KRT79: variants seen among roughly 807,000 people sequenced by gnomAD.
KRT79 encodes the protein keratin 79, also known as keratin, type II cytoskeletal 79.
Under a neutral mutation model 49.0 loss-of-function variants are expected in KRT79, and 51 were observed. That is an observed-to-expected ratio of 1.04 (90% CI 0.83 to 1.31). The LOEUF is 1.31. Among genes scored for constraint, KRT79 ranks in the 40% most tolerant of loss-of-function variants. The probability of loss-of-function intolerance (pLI) is 0.00; values close to 1 mark genes in which losing one functional copy is unlikely to be tolerated. For missense variants in KRT79, 728 were observed against 688.0 expected (o/e 1.06, Z -0.65); for synonymous variants, 312 against 286.6 (o/e 1.09, Z -0.90).
rs200726904 is a variant in KRT79, at chr12:52,822,037, T to C, written c.1443A>G (p.Ala481=). Residue 481 remains alanine, a synonymous_variant, in exon 9 of 9, where the codon GCA becomes GCG. Transcript: ENST00000330553. ...GGGAGATGCCACCTCCAAAGCTGGC[T>C]GCGCCACCTCCGCACACAGTGGTGG... ...GNSTTVCGGG[A]ASFGGGISLG... The C allele has an allele frequency of 1.2e-5, 19 of 1,614,088 alleles. 1 individual carries two copies. In the Admixed American group the frequency reaches 2.5e-4, roughly 21 times the overall value.
chr12:52,824,214 G>C lies in KRT79; in HGVS notation c.1004C>G (p.Ala335Gly). 3.1e-6 allele frequency: 5 copies of C among 1,614,188 alleles called. No individual in the cohort carries two copies. The highest frequency in any genetic ancestry group is 4.2e-6 in the Non-Finnish European group (5 of 1,180,042). The change falls in exon 5 of 9, where the codon GCC (alanine) becomes GGC (glycine). Residue 335 changes from alanine (A) to glycine (G), a missense_variant. Coordinates refer to ENST00000330553, the MANE Select transcript of KRT79 (RefSeq NM_175834.3). ...GCCTCTCACCTTGGTCTGGTACCAG[G>C]CCTCGGCCTCAGCCCGGCTCCTCTG... The part of the protein sequence containing the change: ...IAQRSRAEAE[A>G]WYQTKYEELQ...
intron 3 of KRT79, 26 bp downstream of exon 3, chr12:52,830,206 C>G (rs1940232192): frequency 1.2e-6 from 2 of 1,613,932 alleles, no homozygotes; most frequent in Non-Finnish European, 1.7e-6. Context: ...GCCAAAGGAC[C>G]ACCTCCCCCA....
In KRT79 at chr12:52,833,737, C is replaced by T. The variant is rs754801788; in HGVS notation, c.477+47G>A. The T allele has an allele frequency of 2.2e-5, 33 of 1,492,872 alleles. 1 individual carries two copies. Among genetic ancestry groups the T allele is most frequent in the Non-Finnish European group, 3.1e-5 (33 of 1,070,838 alleles). 92.5% of individuals were successfully genotyped at this position (1,492,872 alleles called of 1,614,324 possible). On this transcript the variant is annotated intron_variant, in intron 1 of 8. Coordinates refer to ENST00000330553, the MANE Select transcript of KRT79 (RefSeq NM_175834.3). Reference sequence around the variant, plus strand: ...GCCCAGCCCACCCTCTATTAGAGGTCCCGCTTCTTCCCCAAGAGCTCCCTT... The same window carrying T: ...GCCCAGCCCACCCTCTATTAGAGGTTCCGCTTCTTCCCCAAGAGCTCCCTT...
At position 52,821,617 on chromosome 12, in the gene KRT79, A is replaced by T. The variant is rs1592315249; in HGVS notation, c.*255T>A. ...ATTCAGCCTCCTCTCGGTGGTCAAA[A>T]GGTCACCCCCAAGTCACCCAAGCAC... On this transcript the variant is annotated 3_prime_UTR_variant, in exon 9 of 9. Transcript: ENST00000330553. The T allele has an allele frequency of 8.5e-6, 3 of 351,608 alleles. No homozygotes were observed. Among genetic ancestry groups the T allele is most frequent in the Middle Eastern group, 7.3e-4 (1 of 1,376 alleles). The allele number at this position is 351,608 out of a possible 1,614,324, so 21.8% of individuals were successfully genotyped here.
chr12:52,830,256 C>A lies in KRT79; in HGVS notation c.735G>T (p.Glu245Asp), dbSNP rs1304335337. Reference sequence around the variant, plus strand: ...CCTTCTTGAGCACCACAAACTCGTTCTCTGCAGCAGTGTGCTTGTTGATTT... The same window carrying A: ...CCTTCTTGAGCACCACAAACTCGTTATCTGCAGCAGTGTGCTTGTTGATTT... ...EDEINKHTAA[E>D]NEFVVLKKDV... is the part of the protein sequence containing the mutation. The change falls in exon 3 of 9, where the codon GAG (glutamate) becomes GAT (aspartate). Residue 245 changes from glutamate (E) to aspartate (D), a missense_variant. Physicochemically the swap from Glu to Asp is conservative, Grantham distance 45. Transcript: ENST00000330553. 2 of 1,614,222 alleles carry A rather than the reference C, an allele frequency of 1.2e-6. No homozygotes were observed. The highest frequency in any genetic ancestry group is 2.2e-5 in the South Asian group (2 of 91,090).
Position 52,821,613 on chromosome 12 carries a change from C to CGCCGTATCATCA in KRT79, c.*258_*259insTGATGATACGGC. ...AGAAATTCAGCCTCCTCTCGGTGGTCAAAAGGTCACCCCCAAGTCACCCAA... is the reference window on the plus strand; with the variant it reads ...AGAAATTCAGCCTCCTCTCGGTGGTCGCCGTATCATCAAAAAGGTCACCCCCAAGTCACCCAA... On this transcript the variant is annotated 3_prime_UTR_variant, in exon 9 of 9. Coordinates refer to ENST00000330553, the MANE Select transcript of KRT79 (RefSeq NM_175834.3). 1 of 494,334 alleles carries CGCCGTATCATCA rather than the reference C, an allele frequency of 2.0e-6. No homozygotes were observed. Among genetic ancestry groups the CGCCGTATCATCA allele is most frequent in the Non-Finnish European group, 3.6e-6 (1 of 276,414 alleles). The allele number at this position is 494,334 out of a possible 1,614,324, so 30.6% of individuals were successfully genotyped here.
chr12:52,832,632 C>G (rs1940271362), intron 1 of KRT79, among the ~76,000 whole-genome samples: 1 of 152,202 alleles, frequency 6.6e-6, no homozygotes, highest in Non-Finnish European at 1.5e-5. Context: ...GGCAAGACGG[C>G]TTGCTTCATA....
intron 2 of KRT79, among the ~76,000 whole-genome samples, chr12:52,830,662 C>G (rs959484785): frequency 6.6e-6 from 1 of 151,720 alleles, no homozygotes; most frequent in Non-Finnish European, 1.5e-5. Flanking sequence ...TAACTCCTCC[C>G]CAACCACTTT....
In KRT79 at chr12:52,833,785, T is replaced by A; in HGVS notation, c.476A>T (p.Lys159Met). The A allele has an allele frequency of 1.2e-6, 2 of 1,612,826 alleles. No homozygotes were observed. The change falls in exon 1 of 9, where the codon AAG becomes ATG. Residue 159 changes from lysine (K) to methionine (M), a missense_variant and splice_region_variant. Transcript: ENST00000330553. Reference protein sequence around the residue: ...LNNKFASFIDKVRFLEQQNKV... With the variant: ...LNNKFASFIDMVRFLEQQNKV... ...CTTCCTCCTTCCTGCTTGGCCCACC[T>A]TGTCGATGAAGGAGGCGAACTTGTT...
In KRT79 at chr12:52,823,208, T is replaced by C. The variant is rs1313395699; in HGVS notation, c.1175A>G (p.Glu392Gly). ...QCQQLQTAIA[E>G]AEQRGELALK... ...TGCCAGCTCCCCACGCTGCTCCGCT[T>C]CCGCAATGGCCGTCTGCAGCTGCTG... The change falls in exon 7 of 9, where the codon GAA becomes GGA. Residue 392 changes from glutamate (E) to glycine (G), a missense_variant. Transcript: ENST00000330553. 6.2e-7 allele frequency: 1 copy of C among 1,614,174 alleles called. No homozygotes were observed. The highest frequency in any genetic ancestry group is 1.7e-5 in the Admixed American group (1 of 60,026).
chr12:52,829,720 G>T (rs528859979), intron 4 of KRT79, among the ~76,000 whole-genome samples: 26 of 152,272 alleles, frequency 1.7e-4, no homozygotes, highest in Middle Eastern at 6.8e-3. Context: ...GGCCAACATG[G>T]CAAAACTCCA....
rs912977349 is a variant in KRT79, at chr12:52,823,759, C to G, written c.1146+128G>C. 5 of 1,100,558 alleles carry G rather than the reference C, an allele frequency of 4.5e-6. No individual in the cohort carries two copies. In the Admixed American group the frequency reaches 1.2e-4, roughly 27 times the overall value. The allele number at this position is 1,100,558 out of a possible 1,614,324, so 68.2% of individuals were successfully genotyped here. A position where few individuals can be genotyped will look rare whatever the true frequency, so the allele number is the denominator to read the frequency against. On this transcript the variant is annotated intron_variant, in intron 6 of 8. Coordinates refer to ENST00000330553, the MANE Select transcript of KRT79 (RefSeq NM_175834.3). ...TCAGTTTCCCCCCATGTAAAAGGAG[C>G]CTGTGATCAATGGCCTAGCATTCTA...
At chr12:52,829,728 C>T (rs1940223155) in intron 4 of KRT79, among the ~76,000 whole-genome samples, 1 of 152,138 alleles carries the variant, frequency 6.6e-6, no homozygotes, top group Non-Finnish European at 1.5e-5. Context: ...TGGCAAAACT[C>T]CATCTCTACT....
Position 52,821,727 on chromosome 12 carries a change from A to C in KRT79, c.*145T>G. 2.8e-6 allele frequency: 2 copies of C among 707,040 alleles called. No homozygotes were observed. Among genetic ancestry groups the C allele is most frequent in the Non-Finnish European group, 4.7e-6 (2 of 422,994 alleles). The allele number at this position is 707,040 out of a possible 1,614,324, so 43.8% of individuals were successfully genotyped here. ...ACCTGAGTAGATTTGAGCGCTTCCC[A>C]AGATGCAAATAGTCTGGTATGAAAA... On this transcript the variant is annotated 3_prime_UTR_variant, in exon 9 of 9. Transcript: ENST00000330553.
rs202181526 is a variant in KRT79 at position 52,823,249 on chromosome 12, G to A, written c.1147-13C>T. On this transcript the variant is annotated splice_polypyrimidine_tract_variant and intron_variant, in intron 6 of 8. Transcript: ENST00000330553. ...GCAGCTGCTGACACTGCCCAGGGGA[G>A]AAAGGTGTTGGAAGCACCCTCCGGG... 32 of 1,611,998 alleles carry A rather than the reference G, an allele frequency of 2.0e-5. No individual in the cohort carries two copies. The Admixed American group carries it at 5.3e-4, about 27-fold the overall frequency.
intron 4 of KRT79, among the ~76,000 whole-genome samples, chr12:52,825,606 G>C (rs1297830039): frequency 6.6e-6 from 1 of 152,126 alleles, no homozygotes; most frequent in Non-Finnish European, 1.5e-5. Context: ...AGAGACAGGG[G>C]GAAAAGAGAA....
In KRT79 at chr12:52,824,213, G is replaced by A; in HGVS notation, c.1005C>T (p.Ala335=). 1 of 1,614,196 alleles carries A rather than the reference G, an allele frequency of 6.2e-7. No individual in the cohort carries two copies. Reference sequence around the variant, plus strand: ...TGCCTCTCACCTTGGTCTGGTACCAGGCCTCGGCCTCAGCCCGGCTCCTCT... The same window carrying A: ...TGCCTCTCACCTTGGTCTGGTACCAAGCCTCGGCCTCAGCCCGGCTCCTCT... ...IAQRSRAEAE[A]WYQTKYEELQ... Residue 335 remains alanine (A), a synonymous_variant, in exon 5 of 9, where the codon GCC becomes GCT. Coordinates refer to ENST00000330553, the MANE Select transcript of KRT79 (RefSeq NM_175834.3).
In KRT79 at chr12:52,823,860, AC is replaced by A. The variant is rs752415690; in HGVS notation, c.1146+26del. ...AAGGCCCTGCCAACACCTAGGCCAG[AC>A]CCCCAAGCCCCCAGTAGAGTCCCAC... On this transcript the variant is annotated intron_variant, in intron 6 of 8. Coordinates refer to ENST00000330553, the MANE Select transcript of KRT79 (RefSeq NM_175834.3). The A allele has an allele frequency of 3.1e-6, 5 of 1,601,610 alleles. No homozygotes were observed. In the South Asian group the frequency reaches 5.5e-5, roughly 18 times the overall value.
Position 52,831,640 on chromosome 12 carries a change from G to C in KRT79, c.478-14C>G. ...CAGGAACCGCACCTGAGCCAGAGCA[G>C]AAAGGGTGGGCTGATGTCACCCTCC... On this transcript the variant is annotated splice_polypyrimidine_tract_variant and intron_variant, in intron 1 of 8. Coordinates refer to ENST00000330553, the MANE Select transcript of KRT79 (RefSeq NM_175834.3). 1 of 1,609,092 alleles carries C rather than the reference G, an allele frequency of 6.2e-7. No individual in the cohort carries two copies. Among genetic ancestry groups the C allele is most frequent in the Non-Finnish European group, 8.5e-7 (1 of 1,175,846 alleles).
Sources: allele counts gnomAD v4.1 joint callset (sites outside exome capture counted in the v4.1 genomes callset), GRCh38; gene constraint gnomAD v4.1.1; transcripts MANE v1.5; gene names NCBI Gene and HGNC (gene_info 2026-07-23, HGNC 2026-07-21).